The following LTBP1 variants were observed in gnomAD, a reference collection of about 807,000 sequenced individuals.
LTBP1 encodes the protein latent-transforming growth factor beta-binding protein 1.
A neutral mutation model predicts 207.6 loss-of-function variants in LTBP1; 129 were observed. The ratio of observed to expected loss-of-function variants is 0.62; its 90% CI spans 0.54 to 0.72. The LOEUF (loss-of-function observed/expected upper bound fraction) is 0.72, where lower values mean the gene tolerates loss of function less well. Ranked by LOEUF, LTBP1 falls within the 30% of genes least tolerant of loss-of-function variation. The pLI, the probability that LTBP1 is intolerant of heterozygous loss-of-function variation, is 0.00. For missense variants in LTBP1, 2,281 were observed against 2,217.2 expected (o/e 1.03, Z -0.58); for synonymous variants, 963 against 833.7 (o/e 1.16, Z -2.67).
intron 3 of LTBP1, among the ~76,000 whole-genome samples, chr2:33,024,538 G>GT (rs778871672): frequency 7.2e-5 from 11 of 152,182 alleles, no homozygotes; most frequent in Non-Finnish European, 1.2e-4. Context: ...AGATGAATTG[G>GT]TTTTACCTTT....
chr2:33,395,658 A>T lies in LTBP1; in HGVS notation c.4835-1475A>T, dbSNP rs75071967. ...CTCAGGCACTTTAGTCATTGTTGAAACTTCTTTTTTGTTGTAGTTAAGAGA... is the reference window on the plus strand; with the variant it reads ...CTCAGGCACTTTAGTCATTGTTGAATCTTCTTTTTTGTTGTAGTTAAGAGA... On this transcript the variant is annotated intron_variant, in intron 32 of 33. Coordinates refer to ENST00000404816, the MANE Select transcript of LTBP1 (RefSeq NM_206943.4). Among the ~76,000 whole-genome samples, 1,167 of 151,024 alleles carry T rather than the reference A, an allele frequency of 7.7e-3. 15 individuals are homozygous for T. Among genetic ancestry groups the T allele is most frequent in the African/African-American group, 0.027 (1,121 of 41,000 alleles).
At chr2:33,049,214 C>T (rs111270905) in intron 3 of LTBP1, among the ~76,000 whole-genome samples, 8 of 152,214 alleles carry the variant, frequency 5.3e-5, no homozygotes, top group African/African-American at 1.9e-4. Context: ...TGGAAACAAA[C>T]TAAAATCTTC....
At chr2:33,324,922 G>T (rs2094407514) in intron 24 of LTBP1, among the ~76,000 whole-genome samples, 1 of 152,014 alleles carries the variant, frequency 6.6e-6, no homozygotes. Flanking sequence ...AGCCGGGATG[G>T]TCTCTATCTT....
chr2:33,053,436 A>G (rs1471433916), intron 3 of LTBP1, among the ~76,000 whole-genome samples: 1 of 151,896 alleles, frequency 6.6e-6, no homozygotes, highest in East Asian at 1.9e-4. Flanking sequence ...ACATCTATCT[A>G]TCATTATAGT....
At chr2:33,202,391 C>T (rs555757406) in intron 7 of LTBP1, among the ~76,000 whole-genome samples, 1 of 152,124 alleles carries the variant, frequency 6.6e-6, no homozygotes, top group Non-Finnish European at 1.5e-5. Context: ...GAAATCTTTT[C>T]TCAGTGATGA....
intron 24 of LTBP1, among the ~76,000 whole-genome samples, chr2:33,322,819 T>C (rs1242858258): frequency 2.6e-5 from 4 of 152,258 alleles, no homozygotes; most frequent in African/African-American, 9.6e-5. Context: ...AGTGAACCGG[T>C]TTCTGACCGT....
chr2:32,991,676 G>A lies in LTBP1; in HGVS notation c.566-29233G>A, dbSNP rs376761721. Among the ~76,000 whole-genome samples, 12 of 152,136 alleles carry A rather than the reference G, an allele frequency of 7.9e-5. No individual in the cohort carries two copies. The East Asian group carries it at 1.9e-3, about 24-fold the overall frequency. On this transcript the variant is annotated intron_variant, in intron 2 of 33. Transcript: ENST00000404816. ...AACATGCTAGCCATCTTCAGTGGGC[G>A]TCCTCAAAACAGAGAGGGATGGCTT...
intron 5 of LTBP1, among the ~76,000 whole-genome samples, chr2:33,164,351 G>T (rs1260633312): frequency 6.2e-5 from 3 of 48,670 alleles, no homozygotes; most frequent in African/African-American, 3.5e-4. Flanking sequence ...CTTCCTCTCA[G>T]GAAAAAAAAA....
At chr2:32,997,710 C>G (rs1309898962) in intron 2 of LTBP1, among the ~76,000 whole-genome samples, 2 of 152,140 alleles carry the variant, frequency 1.3e-5, no homozygotes, top group Non-Finnish European at 2.9e-5. Flanking sequence ...CTGTGACACC[C>G]TCAGGACGTA....
intron 3 of LTBP1, among the ~76,000 whole-genome samples, chr2:33,077,586 G>A (rs967144213): frequency 6.6e-6 from 1 of 152,162 alleles, no homozygotes; most frequent in African/African-American, 2.4e-5. Context: ...TCACAAGACA[G>A]CACCAAGGGG....
At chr2:33,248,196 T>C (rs1008846187) in intron 10 of LTBP1, among the ~76,000 whole-genome samples, 2 of 152,190 alleles carry the variant, frequency 1.3e-5, no homozygotes, top group Non-Finnish European at 2.9e-5. Context: ...ACCATGACAA[T>C]AATAATTTTT....
At chr2:33,145,476 C>G (rs1351987346) in intron 5 of LTBP1, among the ~76,000 whole-genome samples, 1 of 152,198 alleles carries the variant, frequency 6.6e-6, no homozygotes, top group East Asian at 1.9e-4. Context: ...GTGAGGAAAG[C>G]AGACCACTGC....
At chr2:33,250,511 G>C (rs2092653056) in intron 10 of LTBP1, among the ~76,000 whole-genome samples, 1 of 152,200 alleles carries the variant, frequency 6.6e-6, no homozygotes, top group South Asian at 2.1e-4. Flanking sequence ...AAGGGAGCCT[G>C]CTCAGCCAGG....
At chr2:33,220,156 ATTCTGTTTGTGTCCTCT>A (rs1356389906) in intron 8 of LTBP1, among the ~76,000 whole-genome samples, 1 of 152,230 alleles carries the variant, frequency 6.6e-6, no homozygotes, top group African/African-American at 2.4e-5. Flanking sequence ...CTTGACATTT[ATTCTGTTTGTGTCCTCT>A]TAAGTGACTC....
chr2:33,053,018 A>G (rs940850195), intron 3 of LTBP1, among the ~76,000 whole-genome samples: 4 of 151,976 alleles, frequency 2.6e-5, no homozygotes, highest in African/African-American at 9.7e-5. Flanking sequence ...TTACAGGTGC[A>G]TACCACCACA....
Position 33,025,687 on chromosome 2 carries a change from G to A in LTBP1, c.863+4481G>A, listed in dbSNP as rs560984267. ...GGCATTGTAGTTATGTTCATAAGGAGGAGAATCATGTTAAAGTATTTACAG... is the reference window on the plus strand; with the variant it reads ...GGCATTGTAGTTATGTTCATAAGGAAGAGAATCATGTTAAAGTATTTACAG... On this transcript the variant is annotated intron_variant, in intron 3 of 33. Transcript: ENST00000404816. Among the ~76,000 whole-genome samples the A allele has an allele frequency of 4.0e-4, 61 of 152,272 alleles. 1 individual carries two copies. In the South Asian group the frequency reaches 0.013, roughly 32 times the overall value.
At chr2:33,189,808 C>G (rs2087638066) in intron 7 of LTBP1, among the ~76,000 whole-genome samples, 1 of 151,994 alleles carries the variant, frequency 6.6e-6, no homozygotes, top group Non-Finnish European at 1.5e-5. Flanking sequence ...GGTGGATTAC[C>G]TGAGGTCAGG....
intron 5 of LTBP1, among the ~76,000 whole-genome samples, chr2:33,164,847 TACAG>T (rs1481840299): frequency 6.6e-6 from 1 of 152,208 alleles, no homozygotes; most frequent in Non-Finnish European, 1.5e-5. Context: ...GAAGTTTGTA[TACAG>T]ACAGTTTCCT....
At chr2:32,990,194 G>A (rs566269053) in intron 2 of LTBP1, among the ~76,000 whole-genome samples, 4 of 152,282 alleles carry the variant, frequency 2.6e-5, no homozygotes, top group Admixed American at 2.6e-4. Flanking sequence ...GTACTCTATC[G>A]ATATTCCATG....
Sources: gnomAD v4.1 joint callset for allele counts (sites outside exome capture counted in the v4.1 genomes callset) on GRCh38, gnomAD v4.1.1 for gene constraint, MANE v1.5 for transcripts, NCBI Gene and HGNC (gene_info 2026-07-23, HGNC 2026-07-21) for gene names.